The following B4GALNT1 variants were observed in gnomAD, a reference collection of about 807,000 sequenced individuals.
B4GALNT1 encodes the protein beta-1,4 N-acetylgalactosaminyltransferase 1.
B4GALNT1 carries 43 observed loss-of-function variants against 55.2 expected under a neutral mutation model. That is an observed-to-expected ratio of 0.78 (90% CI 0.61 to 1.00). B4GALNT1 has a LOEUF of 1.00. B4GALNT1 is among the 50% of genes least tolerant of loss of function. The pLI is 0.00. For missense variants in B4GALNT1, 664 were observed against 729.7 expected (o/e 0.91, Z 1.04); for synonymous variants, 305 against 311.6 (o/e 0.98, Z 0.22).
intron 9 of B4GALNT1, 52 bp downstream of exon 9, chr12:57,628,070 T>G: frequency 6.2e-7 from 1 of 1,607,086 alleles, no homozygotes; most frequent in African/African-American, 1.3e-5. Flanking sequence ...GCTGTGGCCT[T>G]AGCCTGTTCA....
In B4GALNT1 at chr12:57,625,092, G is replaced by T; in HGVS notation, c.*1652C>A. The T allele has an allele frequency of 6.2e-7, 1 of 1,614,076 alleles. No individual in the cohort carries two copies. Among genetic ancestry groups the T allele is most frequent in the South Asian group, 1.1e-5 (1 of 91,076 alleles). ...GGGGTGCATGTTCATGCTGTGTTTCGGGAGTGGTGACTGCCCTTCTTTACT... is the reference window on the plus strand; with the variant it reads ...GGGGTGCATGTTCATGCTGTGTTTCTGGAGTGGTGACTGCCCTTCTTTACT... On this transcript the variant is annotated 3_prime_UTR_variant, in exon 11 of 11. Transcript: ENST00000341156.
chr12:57,624,022 A>T lies in B4GALNT1; in HGVS notation c.*2722T>A. Reference sequence around the variant, plus strand: ...CTCAAGGCTGTCCTGGCTTGCATCAACATCTCCAGCATGCGCCAGGTGTTC... The same window carrying T: ...CTCAAGGCTGTCCTGGCTTGCATCATCATCTCCAGCATGCGCCAGGTGTTC... On this transcript the variant is annotated 3_prime_UTR_variant, in exon 11 of 11. Transcript: ENST00000341156. The T allele has an allele frequency of 6.2e-7, 1 of 1,611,750 alleles. No individual in the cohort carries two copies. Among genetic ancestry groups the T allele is most frequent in the Non-Finnish European group, 8.5e-7 (1 of 1,178,552 alleles).
chr12:57,626,949 T>C lies in B4GALNT1; in HGVS notation c.1397A>G (p.Asp466Gly), dbSNP rs1436564061. ...GCCAACCCGAAGGGAACCAAGCCCA[T>C]CCAAGAAGAATTCTGGGGGTGGAGG... is the stretch of plus-strand genomic sequence containing the variant. ...SRVAHLEFFL[D>G]GLGSLRVGSC... Residue 466 changes from aspartate (D) to glycine (G), a missense_variant, in exon 11 of 11, where the codon GAT (aspartate) becomes GGT (glycine). Asp to Gly is a moderately conservative substitution (Grantham distance 94). Transcript: ENST00000341156. The C allele has an allele frequency of 6.2e-7, 1 of 1,613,628 alleles. No individual in the cohort carries two copies. Among genetic ancestry groups the C allele is most frequent in the Non-Finnish European group, 8.5e-7 (1 of 1,179,758 alleles).
Position 57,631,959 on chromosome 12 carries a change from G to T in B4GALNT1, c.174C>A (p.Pro58=). 1 of 1,455,884 alleles carries T rather than the reference G, an allele frequency of 6.9e-7. No individual in the cohort carries two copies. Among genetic ancestry groups the T allele is most frequent in the South Asian group, 1.5e-5 (1 of 65,136 alleles). The allele number at this position is 1,455,884 out of a possible 1,614,324, so 90.2% of individuals were successfully genotyped here. The change falls in exon 2 of 11, where the codon CCC becomes CCA. Residue 58 remains proline (P), a synonymous_variant. Coordinates refer to ENST00000341156, the MANE Select transcript of B4GALNT1 (RefSeq NM_001478.5). ...RPELPDLAPE[P]RYAHIPVRIK... ...TCCTGACCGGGATGTGTGCGTAGCG[G>T]GGCTCAGGAGCAAGATCTGGCAGCT...
At position 57,629,936 on chromosome 12, in the gene B4GALNT1, G is replaced by T. The variant is rs1002787958; in HGVS notation, c.712+216C>A. The T allele has an allele frequency of 6.5e-6, 10 of 1,536,284 alleles. No homozygotes were observed. In the Admixed American group the frequency reaches 9.8e-5, roughly 15 times the overall value. Reference sequence around the variant, plus strand: ...GGCCTAAAGGGGAGACACACCCAAGGCTCGGGTTTCCCTCTGGCCTGCTCC... The same window carrying T: ...GGCCTAAAGGGGAGACACACCCAAGTCTCGGGTTTCCCTCTGGCCTGCTCC... On this transcript the variant is annotated intron_variant, in intron 6 of 10. Coordinates refer to ENST00000341156, the MANE Select transcript of B4GALNT1 (RefSeq NM_001478.5).
rs375551593 is a variant in B4GALNT1, at chr12:57,629,174, C to A, written c.713-28G>T. The stretch of plus-strand genomic sequence containing the variant: ...GGGAAGAAAGGACATGGCATTTGAC[C>A]CTGAAGGGTGGGATAACATTCTGTT... On this transcript the variant is annotated intron_variant, in intron 6 of 10. Coordinates refer to ENST00000341156, the MANE Select transcript of B4GALNT1 (RefSeq NM_001478.5). 29 of 1,529,714 alleles carry A rather than the reference C, an allele frequency of 1.9e-5. 1 individual carries two copies. The South Asian group carries it at 3.5e-4, about 18-fold the overall frequency. The allele number at this position is 1,529,714 out of a possible 1,614,324, so 94.8% of individuals were successfully genotyped here. A position where few individuals can be genotyped will look rare whatever the true frequency, so the allele number is the denominator to read the frequency against.
In B4GALNT1 at chr12:57,625,864, C is replaced by G. The variant is rs1046301520; in HGVS notation, c.*880G>C. The G allele has an allele frequency of 8.2e-7, 1 of 1,215,872 alleles. No homozygotes were observed. The highest frequency in any genetic ancestry group is 1.5e-5 in the African/African-American group (1 of 65,990). 75.3% of individuals were successfully genotyped at this position (1,215,872 alleles called of 1,614,324 possible). A position where few individuals can be genotyped will look rare whatever the true frequency, so the allele number is the denominator to read the frequency against. On this transcript the variant is annotated 3_prime_UTR_variant, in exon 11 of 11. Transcript: ENST00000341156. ...AGATTGAAGACCAAATCAGGGAGCCCGGGCTGAGCTATGGGTGAGGAACTG... is the reference window on the plus strand; with the variant it reads ...AGATTGAAGACCAAATCAGGGAGCCGGGGCTGAGCTATGGGTGAGGAACTG...
Position 57,624,185 on chromosome 12 carries a change from G to T in B4GALNT1, c.*2559C>A. On this transcript the variant is annotated 3_prime_UTR_variant, in exon 11 of 11. Transcript: ENST00000341156. ...CCCTGAACCAAACCTAATTGTCCTG[G>T]TCTTAAGTTCTGCAACCCACCCACT... 1 of 1,345,670 alleles carries T rather than the reference G, an allele frequency of 7.4e-7. No homozygotes were observed. Among genetic ancestry groups the T allele is most frequent in the Non-Finnish European group, 1.0e-6 (1 of 965,738 alleles). The allele number at this position is 1,345,670 out of a possible 1,614,324, so 83.4% of individuals were successfully genotyped here.
Position 57,625,153 on chromosome 12 carries a change from G to A in B4GALNT1, c.*1591C>T. On this transcript the variant is annotated 3_prime_UTR_variant, in exon 11 of 11. Coordinates refer to ENST00000341156, the MANE Select transcript of B4GALNT1 (RefSeq NM_001478.5). ...TTCAAAGCCAGATGGCCCAATGGTT[G>A]CAGGTGAGATGGGGTGACAAGAAGG... The A allele has an allele frequency of 6.2e-7, 1 of 1,614,092 alleles. No homozygotes were observed. The highest frequency in any genetic ancestry group is 8.5e-7 in the Non-Finnish European group (1 of 1,180,004).
In B4GALNT1 at chr12:57,624,129, C is replaced by T. The variant is rs749922541; in HGVS notation, c.*2615G>A. 1.2e-6 allele frequency: 2 copies of T among 1,606,872 alleles called. No individual in the cohort carries two copies. The highest frequency in any genetic ancestry group is 3.3e-5 in the Admixed American group (2 of 59,738). On this transcript the variant is annotated 3_prime_UTR_variant, in exon 11 of 11. Transcript: ENST00000341156. ...AAATGCCATTACCCCCAGATTGCCCCCTCTCATCTTGTTAGCATCCCCAGC... is the reference window on the plus strand; with the variant it reads ...AAATGCCATTACCCCCAGATTGCCCTCTCTCATCTTGTTAGCATCCCCAGC...
Position 57,626,493 on chromosome 12 carries a change from T to C in B4GALNT1, c.*251A>G. The C allele has an allele frequency of 3.7e-6, 2 of 534,332 alleles. No homozygotes were observed. The highest frequency in any genetic ancestry group is 6.7e-6 in the Non-Finnish European group (2 of 296,472). The allele number at this position is 534,332 out of a possible 1,614,324, so 33.1% of individuals were successfully genotyped here. A position where few individuals can be genotyped will look rare whatever the true frequency, so the allele number is the denominator to read the frequency against. On this transcript the variant is annotated 3_prime_UTR_variant, in exon 11 of 11. Coordinates refer to ENST00000341156, the MANE Select transcript of B4GALNT1 (RefSeq NM_001478.5). ...CCCCCCATTTCCTGCCCCATGAGAA[T>C]GGGCAGGGGGAGGACTTGGCACTGG...
intron 7 of B4GALNT1, 67 bp from the exon 8 acceptor site, chr12:57,628,970 C>T: frequency 6.2e-7 from 1 of 1,603,010 alleles, no homozygotes; most frequent in Non-Finnish European, 8.5e-7. Context: ...GGTAGATATC[C>T]CCTCCCAGGA....
intron 10 of B4GALNT1, 26 bp downstream of exon 10, chr12:57,627,592 G>A (rs1320140843): frequency 1.3e-6 from 2 of 1,558,854 alleles, no homozygotes; most frequent in Admixed American, 1.8e-5. Flanking sequence ...TCCTGCCAGG[G>A]TCGACCGGGA....
In B4GALNT1 at chr12:57,624,868, C is replaced by A; in HGVS notation, c.*1876G>T. 1 of 1,614,126 alleles carries A rather than the reference C, an allele frequency of 6.2e-7. No individual in the cohort carries two copies. Among genetic ancestry groups the A allele is most frequent in the Non-Finnish European group, 8.5e-7 (1 of 1,179,988 alleles). The stretch of plus-strand genomic sequence containing the variant: ...TCTCTGATCCTTTGACCTCTTAGCT[C>A]CTCCAGGTCCCGGGGCTCTGCATCC... On this transcript the variant is annotated 3_prime_UTR_variant, in exon 11 of 11. Coordinates refer to ENST00000341156, the MANE Select transcript of B4GALNT1 (RefSeq NM_001478.5).
rs780620712 is a variant in B4GALNT1, at chr12:57,631,025, G to C, written c.445C>G (p.Leu149Val). The C allele has an allele frequency of 1.2e-6, 2 of 1,613,314 alleles. No homozygotes were observed. The highest frequency in any genetic ancestry group is 1.7e-6 in the Non-Finnish European group (2 of 1,179,830). The change falls in exon 4 of 11, where the codon CTA becomes GTA. Residue 149 changes from leucine (L) to valine (V), a missense_variant. By Grantham distance (32) the Leu-to-Val change is conservative. Coordinates refer to ENST00000341156, the MANE Select transcript of B4GALNT1 (RefSeq NM_001478.5). ...APANSPLQYPLQGVEVQPLRS... is the reference protein window; with the variant it reads ...APANSPLQYPVQGVEVQPLRS... ...AGGGGCTGAACTTCCACACCCTGTA[G>C]GGGGTACTGGAGCGGGGAGTTGGCA... is the stretch of plus-strand genomic sequence containing the variant.
rs1400898779 is a variant in B4GALNT1 at position 57,623,948 on chromosome 12, G to C, written c.*2796C>G. The C allele has an allele frequency of 3.7e-6, 6 of 1,613,320 alleles. No individual in the cohort carries two copies. The Admixed American group carries it at 1.0e-4, about 27-fold the overall frequency. ...AGAGGAGGCATGAGCATGGCTGGGA[G>C]GGGTAGCTGTATTCCAGGACATCGA... On this transcript the variant is annotated 3_prime_UTR_variant, in exon 11 of 11. Coordinates refer to ENST00000341156, the MANE Select transcript of B4GALNT1 (RefSeq NM_001478.5).
Position 57,625,412 on chromosome 12 carries a change from G to C in B4GALNT1, c.*1332C>G, listed in dbSNP as rs1871416. On this transcript the variant is annotated 3_prime_UTR_variant, in exon 11 of 11. Transcript: ENST00000341156. ...ACCCCTTTGCCCCATCCCTGCAGCT[G>C]GCCAGCCGATGTCGAGATGCTAGGA... is the stretch of plus-strand genomic sequence containing the variant. 2.1e-3 allele frequency: 3,405 copies of C among 1,614,148 alleles called. 60 individuals carry two copies. In the African/African-American group the frequency reaches 0.037, roughly 17 times the overall value.
chr12:57,623,882 G>A lies in B4GALNT1; in HGVS notation c.*2862C>T, dbSNP rs115563091. The A allele has an allele frequency of 2.2e-4, 352 of 1,614,076 alleles. 1 individual carries two copies. In the African/African-American group the frequency reaches 4.1e-3, roughly 19 times the overall value. Reference sequence around the variant, plus strand: ...ACAGTGGTCCTGTCGGTGCTGCTGTGGCTGGGGCCCTTCTTTTACTATCTG... The same window carrying A: ...ACAGTGGTCCTGTCGGTGCTGCTGTAGCTGGGGCCCTTCTTTTACTATCTG... On this transcript the variant is annotated 3_prime_UTR_variant, in exon 11 of 11. Coordinates refer to ENST00000341156, the MANE Select transcript of B4GALNT1 (RefSeq NM_001478.5).
rs897160467 is a variant in B4GALNT1 at position 57,628,784 on chromosome 12, C to T, written c.931G>A (p.Ala311Thr). Residue 311 changes from alanine (A) to threonine (T), a missense_variant, in exon 8 of 11, where the codon GCT (alanine) becomes ACT (threonine). Physicochemically the swap from Ala to Thr is moderately conservative, Grantham distance 58. Coordinates refer to ENST00000341156, the MANE Select transcript of B4GALNT1 (RefSeq NM_001478.5). ...CGCTCTGGCTTGTCGCTGTCGTCAG[C>T]GATGACCACGGTAACCGTTGGGTAG... is the stretch of plus-strand genomic sequence containing the variant. ...RFYPTVTVVI[A>T]DDSDKPERVS... is the part of the protein sequence containing the mutation. 8 of 1,614,084 alleles carry T rather than the reference C, an allele frequency of 5.0e-6. No homozygotes were observed. The highest frequency in any genetic ancestry group is 5.9e-6 in the Non-Finnish European group (7 of 1,180,042).
Sources: gnomAD v4.1 joint callset for allele counts on GRCh38, gnomAD v4.1.1 for gene constraint, MANE v1.5 for transcripts, NCBI Gene and HGNC (gene_info 2026-07-23, HGNC 2026-07-21) for gene names.